Variants in DLG2 observed in about 807,000 individuals in gnomAD.
DLG2 encodes disks large homolog 2.
Under a neutral mutation model 132.5 loss-of-function variants are expected in DLG2, and 45 were observed. The observed-to-expected ratio is 0.34, with a 90% CI of 0.27 to 0.44. DLG2 has a LOEUF of 0.44. Among genes scored for constraint, DLG2 ranks in the 20% least tolerant of loss-of-function variants. DLG2 has a pLI of 1.00. For missense variants in DLG2, 1,045 were observed against 1,196.9 expected (o/e 0.87, Z 1.87); for synonymous variants, 424 against 419.6 (o/e 1.01, Z -0.13).
At chr11:83,520,639 G>GATAGATAGATAGATAGATAGATAGA (rs2095443498) in intron 21 of DLG2, among the ~76,000 whole-genome samples, 9 of 147,954 alleles carry the variant, frequency 6.1e-5, no homozygotes, top group African/African-American at 2.2e-4. Flanking sequence ...AGGTAGGTAG[G>GATAGATAGATAGATAGATAGATAGA]TAGATAGATA....
Position 84,439,690 on chromosome 11 carries a change from C to CT in DLG2, c.519+94879dup, listed in dbSNP as rs2099011788. 5.9e-5 allele frequency among the ~76,000 whole-genome samples: 9 copies of CT among 152,306 alleles called. No homozygotes were observed. In the South Asian group the frequency reaches 1.9e-3, roughly 32 times the overall value. ...CTACTCAGCAGGACCGTAGCTTACT[C>CT]TAATATTGCTGTGATGTAAAGGTAT... On this transcript the variant is annotated intron_variant, in intron 7 of 27. Coordinates refer to ENST00000376104, the MANE Select transcript of DLG2 (RefSeq NM_001142699.3).
intron 10 of DLG2, among the ~76,000 whole-genome samples, chr11:84,070,163 T>C (rs1450837859): frequency 6.6e-6 from 1 of 152,260 alleles, no homozygotes; most frequent in Non-Finnish European, 1.5e-5. Context: ...GGTTAATCTT[T>C]GTATTACCAG....
At chr11:85,152,121 A>C (rs545644167) in intron 5 of DLG2, among the ~76,000 whole-genome samples, 1 of 152,342 alleles carries the variant, frequency 6.6e-6, no homozygotes, top group South Asian at 2.1e-4. Context: ...CAGAGTATAA[A>C]TATACACTAT....
At chr11:84,074,261 GT>G (rs1211510055) in intron 10 of DLG2, among the ~76,000 whole-genome samples, 3 of 152,180 alleles carry the variant, frequency 2.0e-5, no homozygotes, top group South Asian at 2.1e-4. Context: ...CATACATTCA[GT>G]TTTTTTGTTA....
At chr11:85,316,542 G>C (rs7127772) in intron 3 of DLG2, among the ~76,000 whole-genome samples, 5,285 of 152,004 alleles carry the variant, frequency 0.035, 143 homozygotes, top group Admixed American at 0.048. Flanking sequence ...GAATACTATA[G>C]ATGATGCAGC....
At chr11:84,697,591 G>C (rs2058747473) in intron 6 of DLG2, among the ~76,000 whole-genome samples, 1 of 151,482 alleles carries the variant, frequency 6.6e-6, no homozygotes, top group Non-Finnish European at 1.5e-5. Context: ...GAGCCACGAA[G>C]TGTACCAGGC....
At chr11:84,282,158 C>G (rs1374759992) in intron 7 of DLG2, among the ~76,000 whole-genome samples, 2 of 151,988 alleles carry the variant, frequency 1.3e-5, no homozygotes, top group East Asian at 1.9e-4. Context: ...TTGCATGCAA[C>G]AGAATAGTGT....
intron 6 of DLG2, among the ~76,000 whole-genome samples, chr11:84,547,099 A>G (rs1358491225): frequency 6.6e-6 from 1 of 152,156 alleles, no homozygotes; most frequent in East Asian, 1.9e-4. Flanking sequence ...CTACCTCACA[A>G]GATTTTTTAG....
intron 7 of DLG2, among the ~76,000 whole-genome samples, chr11:84,474,047 C>A (rs7952439): frequency 2.1e-3 from 314 of 152,108 alleles, no homozygotes; most frequent in African/African-American, 6.8e-3. Context: ...TTGTTCAATT[C>A]ATACCTTCCA....
At chr11:85,518,708 A>T (rs924344943) in intron 3 of DLG2, among the ~76,000 whole-genome samples, 4 of 152,244 alleles carry the variant, frequency 2.6e-5, no homozygotes, top group Middle Eastern at 3.4e-3. Flanking sequence ...ATGGGGAAAA[A>T]TGTCTCCAAG....
intron 18 of DLG2, among the ~76,000 whole-genome samples, chr11:83,717,147 C>T (rs1338359492): frequency 6.6e-6 from 1 of 152,168 alleles, no homozygotes; most frequent in East Asian, 1.9e-4. Context: ...GTATACCTCT[C>T]ACTAACTAGG....
At chr11:84,374,193 A>G (rs1176918301) in intron 7 of DLG2, among the ~76,000 whole-genome samples, 5 of 152,248 alleles carry the variant, frequency 3.3e-5, no homozygotes, top group East Asian at 3.9e-4. Flanking sequence ...AAGCCTCCAC[A>G]TGCCTGAAAT....
chr11:84,715,982 T>C (rs1407350162), intron 6 of DLG2, among the ~76,000 whole-genome samples: 1 of 152,102 alleles, frequency 6.6e-6, no homozygotes, highest in Non-Finnish European at 1.5e-5. Flanking sequence ...TTTAGAAACC[T>C]TCACACTGTT....
intron 3 of DLG2, among the ~76,000 whole-genome samples, chr11:85,567,638 T>C (rs902229466): frequency 1.3e-5 from 2 of 152,178 alleles, no homozygotes; most frequent in Non-Finnish European, 2.9e-5. Context: ...CTAATTTTCC[T>C]AGCTGGAATT....
At chr11:85,179,874 A>G (rs573308232) in intron 4 of DLG2, among the ~76,000 whole-genome samples, 9 of 152,034 alleles carry the variant, frequency 5.9e-5, no homozygotes, top group African/African-American at 1.7e-4. Flanking sequence ...AGTCATCACA[A>G]TAGCCTATGA....
intron 6 of DLG2, among the ~76,000 whole-genome samples, chr11:85,096,168 G>C (rs551942308): frequency 6.6e-6 from 1 of 152,198 alleles, no homozygotes; most frequent in Non-Finnish European, 1.5e-5. Context: ...CCAATCAGCA[G>C]GATGTGGGCG....
At chr11:85,259,678 A>G (rs1283676637) in intron 4 of DLG2, among the ~76,000 whole-genome samples, 3 of 151,772 alleles carry the variant, frequency 2.0e-5, no homozygotes, top group Admixed American at 2.0e-4. Flanking sequence ...GGACTCCTAT[A>G]AAGCTTCCCA....
intron 7 of DLG2, among the ~76,000 whole-genome samples, chr11:84,301,902 T>C (rs375915647): frequency 1.3e-5 from 2 of 152,274 alleles, no homozygotes; most frequent in Non-Finnish European, 2.9e-5. Flanking sequence ...TGTACACATA[T>C]GTTTATTGCA....
At chr11:85,362,066 C>G (rs1382470147) in intron 3 of DLG2, among the ~76,000 whole-genome samples, 1 of 152,140 alleles carries the variant, frequency 6.6e-6, no homozygotes, top group Non-Finnish European at 1.5e-5. Context: ...ACCTCCCAGG[C>G]TCAAGTGATC....
Sources: gnomAD v4.1 joint callset for allele counts (sites outside exome capture counted in the v4.1 genomes callset) on GRCh38, gnomAD v4.1.1 for gene constraint, MANE v1.5 for transcripts, NCBI Gene and HGNC (gene_info 2026-07-23, HGNC 2026-07-21) for gene names.